The following CDH8 variants were observed in gnomAD, a reference collection of about 807,000 sequenced individuals.
The protein encoded by CDH8 is cadherin 8.
In CDH8, 17 loss-of-function variants were observed where a neutral mutation model predicts 68.1. The observed-to-expected ratio is 0.25, with a 90% CI of 0.17 to 0.37. The LOEUF (loss-of-function observed/expected upper bound fraction) is 0.37, where lower values mean the gene tolerates loss of function less well. Among genes scored for constraint, CDH8 ranks in the 10% least tolerant of loss-of-function variants. CDH8 has a pLI of 1.00. For missense variants in CDH8, 763 were observed against 999.3 expected, an observed-to-expected ratio of 0.76 and a Z score of 3.19; for synonymous variants, 372 against 365.1, an observed-to-expected ratio of 1.02 and a Z score of -0.21.
intron 2 of CDH8, among the ~76,000 whole-genome samples, chr16:61,973,196 C>T (rs914230665): frequency 6.6e-6 from 1 of 152,162 alleles, no homozygotes; most frequent in Non-Finnish European, 1.5e-5. Flanking sequence ...ACTTGTCTTC[C>T]TCCTCATTCT....
intron 10 of CDH8, among the ~76,000 whole-genome samples, chr16:61,683,080 G>A (rs1371448403): frequency 1.3e-5 from 2 of 151,926 alleles, no homozygotes; most frequent in Admixed American, 6.6e-5. Context: ...ATAAGGGTAT[G>A]TGAAGTTCAA....
intron 2 of CDH8, among the ~76,000 whole-genome samples, chr16:62,020,403 A>G (rs1322873932): frequency 6.6e-6 from 1 of 152,142 alleles, no homozygotes; most frequent in Non-Finnish European, 1.5e-5. Flanking sequence ...GATTTTGGAA[A>G]GCAGGCAGCC....
intron 10 of CDH8, among the ~76,000 whole-genome samples, chr16:61,710,378 G>A (rs1178886543): frequency 2.0e-5 from 3 of 152,058 alleles, no homozygotes; most frequent in Non-Finnish European, 4.4e-5. Context: ...ACTATATTAT[G>A]GACAATGAGG....
At chr16:61,989,114 C>A (rs1965674500) in intron 2 of CDH8, among the ~76,000 whole-genome samples, 1 of 152,122 alleles carries the variant, frequency 6.6e-6, no homozygotes, top group East Asian at 1.9e-4. Flanking sequence ...TTCTGCAACC[C>A]TTGGAAGTTA....
At chr16:61,734,107 G>A (rs117459992) in intron 8 of CDH8, among the ~76,000 whole-genome samples, 3,545 of 152,102 alleles carry the variant, frequency 0.023, 67 homozygotes, top group Non-Finnish European at 0.035. Flanking sequence ...AGAACTTATA[G>A]TACAGTAGCA....
intron 3 of CDH8, among the ~76,000 whole-genome samples, chr16:61,870,052 A>C (rs1370250701): frequency 6.6e-6 from 1 of 152,228 alleles, no homozygotes; most frequent in African/African-American, 2.4e-5. Flanking sequence ...GACTCCAGTA[A>C]TATAGCCCTT....
chr16:61,933,029 T>A (rs80147306), intron 2 of CDH8, among the ~76,000 whole-genome samples: 5,732 of 152,236 alleles, frequency 0.038, 371 homozygotes, highest in African/African-American at 0.13. Context: ...ACCGCCCTTA[T>A]TAAAAGGAAG....
intron 7 of CDH8, among the ~76,000 whole-genome samples, chr16:61,799,479 G>A (rs1412646837): frequency 6.6e-6 from 1 of 152,050 alleles, no homozygotes; most frequent in African/African-American, 2.4e-5. Context: ...TAGTGGAGTA[G>A]CCCATTATAG....
chr16:61,973,240 T>G (rs2150578179), intron 2 of CDH8, among the ~76,000 whole-genome samples: 1 of 152,334 alleles, frequency 6.6e-6, no homozygotes, highest in Non-Finnish European at 1.5e-5. Context: ...GAGGATAAAA[T>G]CTTTATGATC....
chr16:61,691,446 C>G (rs1170536594), intron 10 of CDH8, among the ~76,000 whole-genome samples: 4 of 151,808 alleles, frequency 2.6e-5, no homozygotes, highest in Middle Eastern at 3.2e-3. Flanking sequence ...ATAACACCAG[C>G]TGAGAGGTCT....
chr16:61,979,109 G>A (rs1395149090), intron 2 of CDH8, among the ~76,000 whole-genome samples: 1 of 150,798 alleles, frequency 6.6e-6, no homozygotes, highest in Non-Finnish European at 1.5e-5. Context: ...GCCAGAGCCA[G>A]AAACAACGGG....
At chr16:61,833,001 A>G (rs1962493631) in intron 4 of CDH8, among the ~76,000 whole-genome samples, 1 of 151,530 alleles carries the variant, frequency 6.6e-6, no homozygotes, top group Non-Finnish European at 1.5e-5. Context: ...TGGGTTCTGG[A>G]GTTAGCTAGA....
intron 10 of CDH8, among the ~76,000 whole-genome samples, chr16:61,700,976 C>G (rs773838295): frequency 2.0e-5 from 3 of 152,120 alleles, no homozygotes; most frequent in Admixed American, 6.5e-5. Context: ...ATGGTGTACA[C>G]ACATATCAAA....
chr16:61,689,758 A>C (rs573385729), intron 10 of CDH8, among the ~76,000 whole-genome samples: 7 of 152,062 alleles, frequency 4.6e-5, no homozygotes, highest in Non-Finnish European at 1.0e-4. Flanking sequence ...TGGTACAAGA[A>C]AACATTTATT....
chr16:61,782,257 C>A (rs972170847), intron 8 of CDH8, among the ~76,000 whole-genome samples: 10 of 152,206 alleles, frequency 6.6e-5, no homozygotes, highest in African/African-American at 1.2e-4. Context: ...CGAAGCAGGG[C>A]GAGGCATTGC....
chr16:61,757,016 G>A (rs904936841), intron 8 of CDH8, among the ~76,000 whole-genome samples: 1 of 152,036 alleles, frequency 6.6e-6, no homozygotes, highest in Non-Finnish European at 1.5e-5. Context: ...AACAAAGAAG[G>A]GTAGACATGA....
chr16:61,898,668 A>G (rs1963912510), intron 3 of CDH8, among the ~76,000 whole-genome samples: 1 of 152,220 alleles, frequency 6.6e-6, no homozygotes, highest in East Asian at 1.9e-4. Flanking sequence ...GGTCATTAAG[A>G]TATGATTTTG....
intron 2 of CDH8, among the ~76,000 whole-genome samples, chr16:61,907,570 C>G (rs763589143): frequency 6.6e-6 from 1 of 151,602 alleles, no homozygotes; most frequent in South Asian, 2.1e-4. Flanking sequence ...GTCCCAGCTA[C>G]CCAGGAGGCC....
intron 10 of CDH8, among the ~76,000 whole-genome samples, chr16:61,681,020 C>A (rs188834414): frequency 1.3e-5 from 2 of 151,782 alleles, no homozygotes; most frequent in East Asian, 1.9e-4. Flanking sequence ...AAAAAAGGAC[C>A]GTAAAAGTTG....
Sources: gnomAD v4.1 joint callset for allele counts (sites outside exome capture counted in the v4.1 genomes callset) on GRCh38, gnomAD v4.1.1 for gene constraint, MANE v1.5 for transcripts, NCBI Gene and HGNC (gene_info 2026-07-23, HGNC 2026-07-21) for gene names.